The following ASTN2 variants were observed in gnomAD, a reference collection of about 807,000 sequenced individuals.
ASTN2 encodes the protein astrotactin-2.
ASTN2 carries 54 observed loss-of-function variants against 139.8 expected under a neutral mutation model. The observed-to-expected ratio is 0.39, with a 90% CI of 0.31 to 0.48. The LOEUF (loss-of-function observed/expected upper bound fraction) is 0.48, where lower values mean the gene tolerates loss of function less well. Ranked by LOEUF, ASTN2 falls within the 20% of genes least tolerant of loss-of-function variation. ASTN2 has a pLI of 0.95. For synonymous variants in ASTN2, 756 were observed against 719.5 expected, an observed-to-expected ratio of 1.05 and a Z score of -0.81; for missense variants, 1,565 against 1,725.1, an observed-to-expected ratio of 0.91 and a Z score of 1.64.
intron 17 of ASTN2, among the ~76,000 whole-genome samples, chr9:116,634,589 C>CAAAAAA (rs57882262): frequency 4.8e-5 from 5 of 104,208 alleles, no homozygotes; most frequent in African/African-American, 1.6e-4. Context: ...GACTCCGTCT[C>CAAAAAA]AAAAAAAAAA....
At chr9:116,858,100 C>G (rs1832787696) in intron 11 of ASTN2, among the ~76,000 whole-genome samples, 1 of 152,182 alleles carries the variant, frequency 6.6e-6, no homozygotes, top group Non-Finnish European at 1.5e-5. Context: ...CCAGTCCTAG[C>G]CCCAGACAGG....
At position 116,883,696 on chromosome 9, in the gene ASTN2, C is replaced by T. The variant is rs576664179; in HGVS notation, c.1890-19963G>A. Reference sequence around the variant, plus strand: ...AAATCAATTGTTCATAAACTATCCACGCTCTTCTAACTCTTGAAAGTTCTT... The same window carrying T: ...AAATCAATTGTTCATAAACTATCCATGCTCTTCTAACTCTTGAAAGTTCTT... On this transcript the variant is annotated intron_variant, in intron 10 of 22. Coordinates refer to ENST00000313400, the MANE Select transcript of ASTN2 (RefSeq NM_001365068.1). Among the ~76,000 whole-genome samples the T allele has an allele frequency of 6.6e-5, 10 of 152,340 alleles. No individual in the cohort carries two copies. The South Asian group carries it at 8.3e-4, about 13-fold the overall frequency.
chr9:117,201,121 G>A (rs1475894233), intron 3 of ASTN2, among the ~76,000 whole-genome samples: 3 of 150,898 alleles, frequency 2.0e-5, no homozygotes, highest in Admixed American at 1.3e-4. Context: ...ATGCATCCAG[G>A]AATTTATTCA....
intron 10 of ASTN2, among the ~76,000 whole-genome samples, chr9:116,944,444 G>T (rs927874545): frequency 5.9e-5 from 9 of 152,046 alleles, no homozygotes; most frequent in Non-Finnish European, 1.3e-4. Flanking sequence ...ACTTTGGGAG[G>T]CCGAGGCAGG....
chr9:116,539,208 T>A (rs1341052924), intron 19 of ASTN2, among the ~76,000 whole-genome samples: 1 of 151,734 alleles, frequency 6.6e-6, no homozygotes, highest in Non-Finnish European at 1.5e-5. Context: ...AAGTAAGGAG[T>A]GACTGCTAAT....
intron 5 of ASTN2, among the ~76,000 whole-genome samples, chr9:117,047,018 T>C (rs1280721859): frequency 6.6e-6 from 1 of 152,192 alleles, no homozygotes; most frequent in Non-Finnish European, 1.5e-5. Flanking sequence ...TCTGCCTGCA[T>C]ATCAGGGTGA....
intron 10 of ASTN2, among the ~76,000 whole-genome samples, chr9:116,886,032 G>A (rs767711459): frequency 3.9e-5 from 6 of 152,222 alleles, no homozygotes; most frequent in Non-Finnish European, 8.8e-5. Context: ...GAGAAGGTTG[G>A]GGAGAAGACC....
At chr9:116,775,295 T>G (rs1403644512) in intron 13 of ASTN2, among the ~76,000 whole-genome samples, 1 of 151,936 alleles carries the variant, frequency 6.6e-6, no homozygotes, top group African/African-American at 2.4e-5. Context: ...GAAATTAATT[T>G]AATGTGGACC....
At chr9:116,944,984 C>A (rs1835349578) in intron 10 of ASTN2, among the ~76,000 whole-genome samples, 1 of 152,270 alleles carries the variant, frequency 6.6e-6, no homozygotes, top group Middle Eastern at 3.4e-3. Flanking sequence ...CAGAGTCGGT[C>A]AAGTCATCAG....
intron 19 of ASTN2, among the ~76,000 whole-genome samples, chr9:116,553,623 C>T (rs983570212): frequency 1.3e-5 from 2 of 152,100 alleles, no homozygotes. Context: ...AGACTTGAGC[C>T]CAAGTCGAAC....
intron 13 of ASTN2, among the ~76,000 whole-genome samples, chr9:116,763,015 AT>A (rs1829713330): frequency 6.6e-6 from 1 of 152,206 alleles, no homozygotes; most frequent in Non-Finnish European, 1.5e-5. Flanking sequence ...AACTACTTCA[AT>A]TCCATGACTA....
At chr9:116,866,829 G>C (rs61201171) in intron 10 of ASTN2, among the ~76,000 whole-genome samples, 2 of 148,950 alleles carry the variant, frequency 1.3e-5, no homozygotes, top group Admixed American at 1.4e-4. Flanking sequence ...GGAGGCAGAG[G>C]TTGCAGTGAG....
At chr9:117,266,628 C>T (rs764487501) in intron 2 of ASTN2, among the ~76,000 whole-genome samples, 3 of 152,100 alleles carry the variant, frequency 2.0e-5, no homozygotes, top group Non-Finnish European at 4.4e-5. Flanking sequence ...CTACCACCTG[C>T]AAAAAAATAA....
At chr9:117,225,837 C>A (rs1030195174) in intron 2 of ASTN2, among the ~76,000 whole-genome samples, 3 of 151,928 alleles carry the variant, frequency 2.0e-5, no homozygotes, top group Non-Finnish European at 4.4e-5. Context: ...CAGCCCTTGA[C>A]CTGCATAAAA....
intron 20 of ASTN2, among the ~76,000 whole-genome samples, chr9:116,473,667 G>T (rs1407944444): frequency 2.6e-5 from 4 of 152,190 alleles, no homozygotes; most frequent in Non-Finnish European, 2.9e-5. Flanking sequence ...GGAGGCCAAG[G>T]CAGACGGATC....
intron 10 of ASTN2, among the ~76,000 whole-genome samples, chr9:116,904,880 T>C (rs963807964): frequency 1.3e-5 from 2 of 152,166 alleles, no homozygotes; most frequent in African/African-American, 4.8e-5. Context: ...CATTTGGTGG[T>C]AACGTTACAG....
chr9:116,808,250 G>A (rs528242935), intron 12 of ASTN2, among the ~76,000 whole-genome samples: 1 of 151,902 alleles, frequency 6.6e-6, no homozygotes, highest in African/African-American at 2.4e-5. Flanking sequence ...GCTCTTCCAG[G>A]AGTTTTTCAA....
chr9:116,863,160 C>G (rs777719983), intron 11 of ASTN2, among the ~76,000 whole-genome samples: 1 of 152,122 alleles, frequency 6.6e-6, no homozygotes. Context: ...AAGCCTTCTA[C>G]GAAACTGAGG....
At chr9:117,413,668 T>C (rs989777063) in intron 1 of ASTN2, among the ~76,000 whole-genome samples, 6 of 152,210 alleles carry the variant, frequency 3.9e-5, no homozygotes, top group African/African-American at 9.7e-5. Context: ...CGAACTTTTC[T>C]GATTAACTTT....
Sources: gnomAD v4.1 joint callset for allele counts (sites outside exome capture counted in the v4.1 genomes callset) on GRCh38, gnomAD v4.1.1 for gene constraint, MANE v1.5 for transcripts, NCBI Gene and HGNC (gene_info 2026-07-23, HGNC 2026-07-21) for gene names.